The following ERC2 variants were observed in gnomAD, a reference collection of about 807,000 sequenced individuals.
ERC2 encodes the protein ERC protein 2.
A neutral mutation model predicts 114.8 loss-of-function variants in ERC2; 42 were observed. The ratio of observed to expected loss-of-function variants is 0.37; its 90% CI spans 0.29 to 0.47. The LOEUF is 0.47. ERC2 is among the 20% of genes least tolerant of loss of function. The probability of loss-of-function intolerance (pLI) is 0.99; values close to 1 mark genes in which losing one functional copy is unlikely to be tolerated. For missense variants in ERC2, 939 were observed against 1,150.7 expected (o/e 0.82, Z 2.66); for synonymous variants, 454 against 425.5 (o/e 1.07, Z -0.82).
chr3:55,558,285 C>T (rs566694819), intron 17 of ERC2, among the ~76,000 whole-genome samples: 13 of 152,224 alleles, frequency 8.5e-5, no homozygotes, highest in South Asian at 2.1e-4. Context: ...CTGCCTGGCA[C>T]GTAATAGATG....
intron 7 of ERC2, among the ~76,000 whole-genome samples, chr3:56,033,022 A>AGAAAAAAGAG (rs376606499): frequency 1.3e-5 from 1 of 75,670 alleles, no homozygotes; most frequent in Non-Finnish European, 3.0e-5. Flanking sequence ...AAAGAAAGAA[A>AGAAAAAAGAG]AAAGAAACAG....
chr3:55,685,233 G>A (rs1161022533), intron 16 of ERC2, among the ~76,000 whole-genome samples: 1 of 152,142 alleles, frequency 6.6e-6, no homozygotes, highest in East Asian at 1.9e-4. Flanking sequence ...GGCCCACGAA[G>A]GTTACAAATC....
At chr3:55,884,404 T>C (rs1433994897) in intron 14 of ERC2, among the ~76,000 whole-genome samples, 2 of 152,342 alleles carry the variant, frequency 1.3e-5, no homozygotes, top group East Asian at 3.9e-4. Flanking sequence ...TGTCTCTCTC[T>C]CCATGTTAGG....
rs893445432 is a variant in ERC2, at chr3:56,124,380, G to A, written c.1473+15129C>T. Among the ~76,000 whole-genome samples, 3 of 152,272 alleles carry A rather than the reference G, an allele frequency of 2.0e-5. No individual in the cohort carries two copies. The East Asian group carries it at 5.8e-4, about 29-fold the overall frequency. On this transcript the variant is annotated intron_variant, in intron 6 of 17. Transcript: ENST00000288221. ...CAGCTTACAGAAGTATAACACCCAG[G>A]ATAAGGGTGTACGTAACAATTTATC...
At chr3:55,858,708 C>T (rs2061894392) in intron 14 of ERC2, among the ~76,000 whole-genome samples, 10 of 152,188 alleles carry the variant, frequency 6.6e-5, no homozygotes, top group Admixed American at 5.9e-4. Context: ...GCTGAAAATA[C>T]CACAAATGTA....
At chr3:55,701,663 T>C (rs1003896379) in intron 15 of ERC2, among the ~76,000 whole-genome samples, 2 of 152,210 alleles carry the variant, frequency 1.3e-5, no homozygotes, top group Non-Finnish European at 2.9e-5. Flanking sequence ...CATCCTTCAC[T>C]TGTCCACTTA....
At chr3:55,920,296 G>T (rs1021096422) in intron 13 of ERC2, among the ~76,000 whole-genome samples, 3 of 151,956 alleles carry the variant, frequency 2.0e-5, no homozygotes, top group African/African-American at 7.3e-5. Context: ...TTTCCATTAT[G>T]TTTGAAATAT....
intron 4 of ERC2, among the ~76,000 whole-genome samples, chr3:56,171,843 C>CTTT (rs34797642): frequency 9.3e-5 from 13 of 139,224 alleles, no homozygotes; most frequent in Admixed American, 4.3e-4. Flanking sequence ...GAAACTCGCT[C>CTTT]TTTTTTTTTT....
At chr3:56,253,979 G>A (rs1017714515) in intron 3 of ERC2, among the ~76,000 whole-genome samples, 5 of 152,218 alleles carry the variant, frequency 3.3e-5, no homozygotes, top group Middle Eastern at 3.2e-3. Context: ...GTCTTAATAA[G>A]AGTTTAATAC....
intron 2 of ERC2, among the ~76,000 whole-genome samples, chr3:56,395,057 T>G (rs1007867579): frequency 1.3e-5 from 2 of 149,672 alleles, no homozygotes; most frequent in Non-Finnish European, 3.0e-5. Context: ...AAAAAAAAAG[T>G]TGCAAAAAAA....
At chr3:55,880,172 C>T (rs1292789000) in intron 14 of ERC2, among the ~76,000 whole-genome samples, 7 of 152,116 alleles carry the variant, frequency 4.6e-5, no homozygotes, top group Non-Finnish European at 1.0e-4. Flanking sequence ...AAAAGTCTCA[C>T]ACTAAGAGGT....
chr3:55,700,881 A>G (rs1163640491), intron 15 of ERC2, among the ~76,000 whole-genome samples: 18 of 152,102 alleles, frequency 1.2e-4, no homozygotes, highest in Admixed American at 1.2e-3. Context: ...TATATAATAC[A>G]TGCTGCTGTA....
chr3:56,053,327 C>T (rs2075857900), intron 7 of ERC2, among the ~76,000 whole-genome samples: 1 of 152,122 alleles, frequency 6.6e-6, no homozygotes, highest in South Asian at 2.1e-4. Flanking sequence ...TGGAAATTCA[C>T]ACCTGGAGGG....
At chr3:55,684,714 T>C (rs2062235659) in intron 16 of ERC2, among the ~76,000 whole-genome samples, 1 of 152,200 alleles carries the variant, frequency 6.6e-6, no homozygotes, top group African/African-American at 2.4e-5. Flanking sequence ...GTGGCTAATA[T>C]AGAGGGAAAT....
At chr3:55,955,269 T>TGTGTGC (rs2067874542) in intron 12 of ERC2, 1 of 435,494 alleles carries the variant, frequency 2.3e-6, no homozygotes, top group South Asian at 1.6e-5. Flanking sequence ...TGTGTGTGTG[T>TGTGTGC]GTGTGTGTGT....
chr3:55,788,471 G>A (rs555045156), intron 14 of ERC2, among the ~76,000 whole-genome samples: 12 of 152,184 alleles, frequency 7.9e-5, no homozygotes, highest in African/African-American at 2.9e-4. Context: ...AGCATAAAAA[G>A]ACCTTGATCT....
intron 14 of ERC2, among the ~76,000 whole-genome samples, chr3:55,878,604 T>A (rs376174312): frequency 1.3e-5 from 2 of 152,198 alleles, no homozygotes; most frequent in East Asian, 3.8e-4. Flanking sequence ...AGACTTGTAT[T>A]TGAGTTCCAC....
intron 17 of ERC2, among the ~76,000 whole-genome samples, chr3:55,664,569 T>A (rs2061279158): frequency 6.6e-6 from 1 of 152,160 alleles, no homozygotes; most frequent in Non-Finnish European, 1.5e-5. Context: ...GAGGAGGGGC[T>A]GGGTTACCAT....
intron 12 of ERC2, among the ~76,000 whole-genome samples, chr3:55,957,273 G>A (rs543671441): frequency 1.3e-5 from 2 of 152,278 alleles, no homozygotes; most frequent in South Asian, 4.1e-4. Flanking sequence ...AGGGGACCAA[G>A]AGGCAGTGCA....
Sources: gnomAD v4.1 joint callset for allele counts (sites outside exome capture counted in the v4.1 genomes callset) on GRCh38, gnomAD v4.1.1 for gene constraint, MANE v1.5 for transcripts, NCBI Gene and HGNC (gene_info 2026-07-23, HGNC 2026-07-21) for gene names.